Variants in SEMA3E observed in about 807,000 individuals in gnomAD.
The protein encoded by SEMA3E is semaphorin-3E.
Under a neutral mutation model 93.6 loss-of-function variants are expected in SEMA3E, and 49 were observed. The ratio of observed to expected loss-of-function variants is 0.52; its 90% CI spans 0.42 to 0.66. The LOEUF (loss-of-function observed/expected upper bound fraction) is 0.66, where lower values mean the gene tolerates loss of function less well. Among genes scored for constraint, SEMA3E ranks in the 30% least tolerant of loss-of-function variants. The pLI is 0.00. For missense variants in SEMA3E, 906 were observed against 964.8 expected (o/e 0.94, Z 0.81); for synonymous variants, 363 against 330.7 (o/e 1.10, Z -1.06).
At chr7:83,410,797 A>G (rs77996019) in intron 5 of SEMA3E, among the ~76,000 whole-genome samples, 1,663 of 152,198 alleles carry the variant, frequency 0.011, 27 homozygotes, top group African/African-American at 0.038. Context: ...CACATGAGTG[A>G]GGATTTCTCT....
intron 1 of SEMA3E, among the ~76,000 whole-genome samples, chr7:83,569,074 A>G (rs1466585358): frequency 6.6e-6 from 1 of 152,096 alleles, no homozygotes; most frequent in Non-Finnish European, 1.5e-5. Flanking sequence ...AAGTAGTAGC[A>G]TTTCTATATA....
intron 1 of SEMA3E, among the ~76,000 whole-genome samples, chr7:83,523,882 C>T (rs1290418248): frequency 1.3e-5 from 2 of 151,954 alleles, no homozygotes; most frequent in Admixed American, 1.3e-4. Flanking sequence ...TTCACACTGC[C>T]TAGGACATAG....
chr7:83,449,088 TTTTATTTA>T (rs56254736), intron 4 of SEMA3E, among the ~76,000 whole-genome samples: 97 of 147,762 alleles, frequency 6.6e-4, no homozygotes, highest in Non-Finnish European at 1.1e-3. Flanking sequence ...ATTTTTTAAA[TTTTATTTA>T]TTTATTTATT....
intron 1 of SEMA3E, among the ~76,000 whole-genome samples, chr7:83,598,330 T>C (rs1488134117): frequency 3.3e-5 from 5 of 152,196 alleles, no homozygotes; most frequent in Non-Finnish European, 7.3e-5. Context: ...AATGTAATTG[T>C]TTTAGAGATC....
intron 4 of SEMA3E, among the ~76,000 whole-genome samples, chr7:83,453,863 A>G (rs1368962104): frequency 6.6e-6 from 1 of 152,068 alleles, no homozygotes; most frequent in Non-Finnish European, 1.5e-5. Context: ...AAATGTAAAT[A>G]TTCATATATT....
intron 1 of SEMA3E, among the ~76,000 whole-genome samples, chr7:83,572,516 G>A (rs1792308026): frequency 2.6e-5 from 4 of 152,254 alleles, no homozygotes; most frequent in African/African-American, 9.6e-5. Context: ...GCAGCCGCTT[G>A]TAGTCCCAGC....
At chr7:83,565,871 CTTAAT>C (rs1792138252) in intron 1 of SEMA3E, among the ~76,000 whole-genome samples, 1 of 152,064 alleles carries the variant, frequency 6.6e-6, no homozygotes, top group African/African-American at 2.4e-5. Context: ...AAGACAGCTT[CTTAAT>C]TTATTTCTTT....
At chr7:83,568,863 G>T (rs1792216915) in intron 1 of SEMA3E, among the ~76,000 whole-genome samples, 1 of 151,988 alleles carries the variant, frequency 6.6e-6, no homozygotes, top group Non-Finnish European at 1.5e-5. Flanking sequence ...AGTACTAAAA[G>T]TCCTAGTCAG....
At chr7:83,570,380 C>T (rs1453122048) in intron 1 of SEMA3E, among the ~76,000 whole-genome samples, 2 of 149,186 alleles carry the variant, frequency 1.3e-5, no homozygotes, top group Non-Finnish European at 3.0e-5. Context: ...GGTGAAACCC[C>T]GTCTCTACTA....
chr7:83,570,194 C>T (rs1792243589), intron 1 of SEMA3E, among the ~76,000 whole-genome samples: 1 of 152,076 alleles, frequency 6.6e-6, no homozygotes, highest in Non-Finnish European at 1.5e-5. Context: ...ACACAGCTTA[C>T]CAATATATTT....
chr7:83,482,930 T>A (rs2115949354), intron 2 of SEMA3E, among the ~76,000 whole-genome samples: 1 of 56,368 alleles, frequency 1.8e-5, no homozygotes, highest in Non-Finnish European at 4.1e-5. Flanking sequence ...AGAGAAATGG[T>A]CTGACTAGCA....
chr7:83,600,215 T>A (rs539747384), intron 1 of SEMA3E, among the ~76,000 whole-genome samples: 1 of 152,162 alleles, frequency 6.6e-6, no homozygotes, highest in East Asian at 1.9e-4. Context: ...TTTGCTCTCA[T>A]CTTTGTCAAA....
intron 1 of SEMA3E, among the ~76,000 whole-genome samples, chr7:83,548,282 T>C (rs550881768): frequency 6.6e-6 from 1 of 152,232 alleles, no homozygotes; most frequent in East Asian, 1.9e-4. Flanking sequence ...CTAAGTTTTC[T>C]CCACCTTACA....
chr7:83,521,520 G>T (rs958452695), intron 1 of SEMA3E, among the ~76,000 whole-genome samples: 3 of 152,072 alleles, frequency 2.0e-5, no homozygotes, highest in Non-Finnish European at 4.4e-5. Context: ...ATGAGCACTG[G>T]CATATGGTAC....
chr7:83,571,064 T>C (rs1198813551), intron 1 of SEMA3E, among the ~76,000 whole-genome samples: 1 of 134,618 alleles, frequency 7.4e-6, no homozygotes, highest in African/African-American at 2.8e-5. Flanking sequence ...GAATCTGTAA[T>C]AAAATCCCAC....
At chr7:83,410,424 A>G (rs1788416770) in intron 5 of SEMA3E, among the ~76,000 whole-genome samples, 1 of 152,092 alleles carries the variant, frequency 6.6e-6, no homozygotes, top group Non-Finnish European at 1.5e-5. Context: ...GGAAAATAAC[A>G]AAAACTAAAT....
intron 5 of SEMA3E, among the ~76,000 whole-genome samples, chr7:83,415,450 T>C (rs1194507566): frequency 1.3e-5 from 2 of 152,134 alleles, no homozygotes; most frequent in Non-Finnish European, 2.9e-5. Flanking sequence ...TGAATATATA[T>C]GACATAGTTC....
intron 1 of SEMA3E, among the ~76,000 whole-genome samples, chr7:83,588,185 C>A (rs1403355523): frequency 1.3e-5 from 2 of 151,994 alleles, no homozygotes; most frequent in East Asian, 3.9e-4. Flanking sequence ...AGATTGAGAC[C>A]ATCCTTGCCA....
rs1790348492 is a variant in SEMA3E at position 83,490,106 on chromosome 7, T to G, written c.276+8A>C. 2 of 1,612,258 alleles carry G rather than the reference T, an allele frequency of 1.2e-6. No individual in the cohort carries two copies. Among genetic ancestry groups the G allele is most frequent in the Non-Finnish European group, 8.5e-7 (1 of 1,179,012 alleles). On this transcript the variant is annotated splice_region_variant and intron_variant, in intron 2 of 16. Coordinates refer to ENST00000643230, the MANE Select transcript of SEMA3E (RefSeq NM_012431.3). The stretch of plus-strand genomic sequence containing the variant: ...TCTCTACTGAAATGCAGTTTGATAT[T>G]TCTATACCTCTTTATAGCCGTCACT...
Sources: allele counts gnomAD v4.1 joint callset (sites outside exome capture counted in the v4.1 genomes callset), GRCh38; gene constraint gnomAD v4.1.1; transcripts MANE v1.5; gene names NCBI Gene and HGNC (gene_info 2026-07-23, HGNC 2026-07-21).